The following EFNA5 variants were observed in gnomAD, a reference collection of about 807,000 sequenced individuals.
EFNA5 encodes the protein ephrin-A5.
Under a neutral mutation model 22.9 loss-of-function variants are expected in EFNA5, and 5 were observed. The observed-to-expected ratio is 0.22, with a 90% CI of 0.11 to 0.46. The LOEUF is 0.46. EFNA5 is among the 20% of genes least tolerant of loss of function. The pLI is 0.99. For missense variants in EFNA5, 237 were observed against 293.3 expected (o/e 0.81, Z 1.40); for synonymous variants, 113 against 112.2 (o/e 1.01, Z -0.04).
At chr5:107,571,925 G>GA (rs1748816544) in intron 1 of EFNA5, among the ~76,000 whole-genome samples, 1 of 152,110 alleles carries the variant, frequency 6.6e-6, no homozygotes. Flanking sequence ...GAGAGGGAAA[G>GA]AAAACCACTC....
intron 1 of EFNA5, among the ~76,000 whole-genome samples, chr5:107,496,336 CAAAAAAAAAAAAAAAAACA>C (rs1746981900): frequency 1.3e-5 from 1 of 79,816 alleles, no homozygotes; most frequent in South Asian, 5.4e-4. Flanking sequence ...AATTCCATCT[CAAAAAAAAAAAAAAAAACA>C]AAAAAACAAA....
intron 1 of EFNA5, among the ~76,000 whole-genome samples, chr5:107,646,411 A>C (rs980861503): frequency 6.6e-6 from 1 of 152,196 alleles, no homozygotes; most frequent in Non-Finnish European, 1.5e-5. Context: ...CTCATATTTT[A>C]AAAATTCTAC....
intron 1 of EFNA5, among the ~76,000 whole-genome samples, chr5:107,633,159 G>A (rs1340779737): frequency 2.0e-5 from 3 of 152,092 alleles, no homozygotes; most frequent in Non-Finnish European, 2.9e-5. Context: ...TTATTTGTGA[G>A]TCATTTGTTA....
intron 1 of EFNA5, among the ~76,000 whole-genome samples, chr5:107,450,334 G>A (rs1346487512): frequency 6.6e-6 from 1 of 152,076 alleles, no homozygotes; most frequent in African/African-American, 2.4e-5. Flanking sequence ...TTGAAAACTG[G>A]TGCTATCAGC....
chr5:107,481,151 C>A (rs1406548512), intron 1 of EFNA5, among the ~76,000 whole-genome samples: 1 of 152,072 alleles, frequency 6.6e-6, no homozygotes, highest in Non-Finnish European at 1.5e-5. Context: ...CAGGCAAAAG[C>A]CAGAAATACA....
intron 1 of EFNA5, among the ~76,000 whole-genome samples, chr5:107,574,703 G>A (rs1391633418): frequency 3.3e-5 from 5 of 152,196 alleles, no homozygotes; most frequent in African/African-American, 9.6e-5. Context: ...AAAGACTAAG[G>A]CAAACTTAAC....
rs143051333 is a variant in EFNA5, at chr5:107,562,076, A to C, written c.125+108413T>G. On this transcript the variant is annotated intron_variant, in intron 1 of 4. Transcript: ENST00000333274. ...AACGGTCATGTGGATTCAACTGCTG[A>C]ATTCAACTAACCACACCAGCACTTC... Among the ~76,000 whole-genome samples the C allele has an allele frequency of 1.6e-3, 249 of 152,328 alleles. 1 individual carries two copies. Among genetic ancestry groups the C allele is most frequent in the African/African-American group, 5.9e-3 (244 of 41,566 alleles).
At chr5:107,539,182 T>C (rs1017337898) in intron 1 of EFNA5, among the ~76,000 whole-genome samples, 1 of 152,240 alleles carries the variant, frequency 6.6e-6, no homozygotes, top group African/African-American at 2.4e-5. Context: ...ATGCCCTACA[T>C]GCCTGGACTA....
At chr5:107,540,964 G>A (rs940923787) in intron 1 of EFNA5, among the ~76,000 whole-genome samples, 7 of 151,968 alleles carry the variant, frequency 4.6e-5, no homozygotes, top group African/African-American at 9.7e-5. Flanking sequence ...AAAATTAGCC[G>A]GGCATGGTGG....
chr5:107,459,196 C>G (rs1749772550), intron 1 of EFNA5, among the ~76,000 whole-genome samples: 1 of 151,862 alleles, frequency 6.6e-6, no homozygotes, highest in Admixed American at 6.6e-5. Context: ...AAGTTTGAGA[C>G]CAGCCTGGCC....
intron 1 of EFNA5, among the ~76,000 whole-genome samples, chr5:107,661,226 T>C (rs1185466420): frequency 6.6e-6 from 1 of 152,130 alleles, no homozygotes; most frequent in Non-Finnish European, 1.5e-5. Context: ...TTAGCCTCCA[T>C]TATCCCAACA....
chr5:107,410,763 T>C (rs911427818), intron 2 of EFNA5, among the ~76,000 whole-genome samples: 1 of 152,230 alleles, frequency 6.6e-6, no homozygotes, highest in Admixed American at 6.5e-5. Context: ...CTTTGGATCC[T>C]CAATCTAGCC....
chr5:107,469,871 C>T (rs1042794096), intron 1 of EFNA5, among the ~76,000 whole-genome samples: 1 of 152,130 alleles, frequency 6.6e-6, no homozygotes, highest in Non-Finnish European at 1.5e-5. Context: ...CTTGTTTCTC[C>T]ATTTGGAAGC....
intron 1 of EFNA5, among the ~76,000 whole-genome samples, chr5:107,606,574 CA>C: frequency 6.8e-6 from 1 of 146,808 alleles, no homozygotes; most frequent in Admixed American, 6.7e-5. Context: ...CACACACACA[CA>C]CACACACAGA....
chr5:107,429,094 T>C (rs1250046125), intron 1 of EFNA5, among the ~76,000 whole-genome samples: 1 of 152,088 alleles, frequency 6.6e-6, no homozygotes, highest in African/African-American at 2.4e-5. Context: ...CACCCGAACA[T>C]AAACATAATA....
chr5:107,663,847 T>G (rs552414680), intron 1 of EFNA5, among the ~76,000 whole-genome samples: 1 of 152,256 alleles, frequency 6.6e-6, no homozygotes, highest in African/African-American at 2.4e-5. Flanking sequence ...TATTCCTCAC[T>G]TGAGTGGAAA....
At chr5:107,499,183 A>AT (rs956346128) in intron 1 of EFNA5, among the ~76,000 whole-genome samples, 49 of 151,882 alleles carry the variant, frequency 3.2e-4, no homozygotes, top group African/African-American at 1.1e-3. Flanking sequence ...GAAAGATGAA[A>AT]TTTTTTTTTA....
chr5:107,463,622 AT>A (rs1476063557), intron 1 of EFNA5, among the ~76,000 whole-genome samples: 1 of 152,212 alleles, frequency 6.6e-6, no homozygotes, highest in Non-Finnish European at 1.5e-5. Flanking sequence ...TAGAGAGTAA[AT>A]AAAGAGGAAT....
chr5:107,656,811 G>T (rs758015265), intron 1 of EFNA5, among the ~76,000 whole-genome samples: 1 of 151,976 alleles, frequency 6.6e-6, no homozygotes, highest in South Asian at 2.1e-4. Context: ...ACTATAAATG[G>T]CATACTTACA....
Sources: gnomAD v4.1 joint callset for allele counts (sites outside exome capture counted in the v4.1 genomes callset) on GRCh38, gnomAD v4.1.1 for gene constraint, MANE v1.5 for transcripts, NCBI Gene and HGNC (gene_info 2026-07-23, HGNC 2026-07-21) for gene names.